The following NRCAM variants were observed in gnomAD, a reference collection of about 807,000 sequenced individuals.
NRCAM encodes the protein NgCAM-related cell adhesion molecule.
In NRCAM, 83 loss-of-function variants were observed where a neutral mutation model predicts 156.5. The observed-to-expected ratio is 0.53, with a 90% confidence interval of 0.44 to 0.64. The LOEUF (loss-of-function observed/expected upper bound fraction) is 0.64, where lower values mean the gene tolerates loss of function less well. Ranked by LOEUF, NRCAM falls within the 30% of genes least tolerant of loss-of-function variation. The pLI is 0.00. For synonymous variants in NRCAM, 538 were observed against 563.9 expected (o/e 0.95, Z 0.65); for missense variants, 1,417 against 1,597.3 (o/e 0.89, Z 1.92).
intron 3 of NRCAM, among the ~76,000 whole-genome samples, chr7:108,254,246 C>T (rs752028569): frequency 2.6e-5 from 4 of 152,222 alleles, no homozygotes; most frequent in East Asian, 1.9e-4. Context: ...CTTGTATCTA[C>T]AACATGTAGA....
intron 3 of NRCAM, among the ~76,000 whole-genome samples, chr7:108,241,462 ATGT>A (rs902218627): frequency 1.3e-5 from 2 of 152,206 alleles, no homozygotes. Flanking sequence ...GGTGGGAGGG[ATGT>A]TATTATTATA....
At chr7:108,255,198 G>A (rs886205711) in intron 3 of NRCAM, among the ~76,000 whole-genome samples, 1 of 80,014 alleles carries the variant, frequency 1.2e-5, no homozygotes, top group Non-Finnish European at 2.3e-5. Context: ...CACTTTCCAC[G>A]GTCTCCCTCT....
intron 32 of NRCAM, among the ~76,000 whole-genome samples, chr7:108,153,375 A>G (rs2042903799): frequency 1.3e-5 from 2 of 152,188 alleles, no homozygotes; most frequent in African/African-American, 2.4e-5. Flanking sequence ...AGAAAGAGGT[A>G]TATGAAAAAA....
At chr7:108,385,498 G>A (rs2099737572) in intron 2 of NRCAM, among the ~76,000 whole-genome samples, 1 of 152,220 alleles carries the variant, frequency 6.6e-6, no homozygotes, top group Non-Finnish European at 1.5e-5. Context: ...TAGCTTAGAA[G>A]AAAGGCAAGG....
intron 13 of NRCAM, among the ~76,000 whole-genome samples, chr7:108,198,366 G>A: frequency 6.6e-6 from 1 of 152,024 alleles, no homozygotes; most frequent in East Asian, 1.9e-4. Flanking sequence ...TTTTTTTAAA[G>A]ACCTTTCCAT....
intron 3 of NRCAM, among the ~76,000 whole-genome samples, chr7:108,272,485 T>A (rs1312086256): frequency 2.0e-5 from 3 of 152,212 alleles, no homozygotes; most frequent in African/African-American, 7.2e-5. Context: ...GATCTTTATT[T>A]ATCCCACTAA....
At chr7:108,214,919 T>C (rs1277454007) in intron 11 of NRCAM, among the ~76,000 whole-genome samples, 2 of 152,230 alleles carry the variant, frequency 1.3e-5, no homozygotes, top group African/African-American at 4.8e-5. Flanking sequence ...TTGAATGAGT[T>C]TCTCAATCCT....
At chr7:108,159,378 G>A in intron 32 of NRCAM, 85 bp downstream of exon 32, 2 of 1,155,004 alleles carry the variant, frequency 1.7e-6, no homozygotes, top group Non-Finnish European at 2.6e-6. Context: ...GAGATGCCAG[G>A]CAGAGCATAT....
intron 3 of NRCAM, among the ~76,000 whole-genome samples, chr7:108,264,012 G>A (rs947481344): frequency 6.6e-6 from 1 of 151,826 alleles, no homozygotes; most frequent in African/African-American, 2.4e-5. Context: ...TTGAGATGGA[G>A]TCTCACTCTG....
chr7:108,150,248 C>T, intron 32 of NRCAM, 101 bp from the exon 33 acceptor site: 1 of 912,830 alleles, frequency 1.1e-6, no homozygotes, highest in Admixed American at 2.3e-5. Flanking sequence ...ATTTGGAGTC[C>T]TGGGCTTCTC....
At position 108,299,110 on chromosome 7, in the gene NRCAM, A is replaced by G. The variant is rs112501652; in HGVS notation, c.-107+13555T>C. Among the ~76,000 whole-genome samples, 53 of 16,658 alleles carry G rather than the reference A, an allele frequency of 3.2e-3. 1 individual carries two copies. The highest frequency in any genetic ancestry group is 8.3e-3 in the East Asian group (1 of 120). 10.9% of individuals were successfully genotyped at this position (16,658 alleles called of 152,430 possible). The stretch of plus-strand genomic sequence containing the variant: ...CACAGAGCAAGACTCCATCTCAAAA[A>G]AAAAAAAGAAAGAAAGAAAGAAAGA... On this transcript the variant is annotated intron_variant, in intron 3 of 32. Coordinates refer to ENST00000379028, the MANE Select transcript of NRCAM (RefSeq NM_001037132.4).
At chr7:108,384,931 AAAC>A (rs2099735195) in intron 2 of NRCAM, among the ~76,000 whole-genome samples, 1 of 152,316 alleles carries the variant, frequency 6.6e-6, no homozygotes, top group East Asian at 1.9e-4. Flanking sequence ...AGCTGAAACT[AAAC>A]AACATGCCAA....
At chr7:108,253,262 A>C (rs1223915137) in intron 3 of NRCAM, among the ~76,000 whole-genome samples, 1 of 152,224 alleles carries the variant, frequency 6.6e-6, no homozygotes, top group Non-Finnish European at 1.5e-5. Context: ...TGAGAATATA[A>C]CTAAATGCAA....
At chr7:108,191,562 A>G (rs1324831551) in intron 18 of NRCAM, among the ~76,000 whole-genome samples, 167 bp downstream of exon 18, 1 of 152,248 alleles carries the variant, frequency 6.6e-6, no homozygotes, top group Non-Finnish European at 1.5e-5. Context: ...GTCTATTTAT[A>G]CTGAAATTAT....
At chr7:108,330,459 C>T (rs1204530097) in intron 2 of NRCAM, among the ~76,000 whole-genome samples, 1 of 152,178 alleles carries the variant, frequency 6.6e-6, no homozygotes, top group Non-Finnish European at 1.5e-5. Flanking sequence ...CAGCTCCAGA[C>T]CCATTAAACA....
At chr7:108,336,314 T>C (rs1014231584) in intron 2 of NRCAM, among the ~76,000 whole-genome samples, 1 of 152,182 alleles carries the variant, frequency 6.6e-6, no homozygotes, top group Non-Finnish European at 1.5e-5. Flanking sequence ...TTGCATCCAT[T>C]TGTATGCACC....
rs1342829985 is a variant in NRCAM at position 108,237,758 on chromosome 7, CAAG to C, written c.115_117del (p.Leu39del). The C allele has an allele frequency of 1.3e-6, 2 of 1,595,422 alleles. No homozygotes were observed. Among genetic ancestry groups the C allele is most frequent in the Admixed American group, 1.7e-5 (1 of 57,742 alleles). On this transcript the variant is annotated inframe_deletion, in exon 5 of 33. Coordinates refer to ENST00000379028, the MANE Select transcript of NRCAM (RefSeq NM_001037132.4). ...TTTATAGAAGGACACTTACAGTCTT[CAAG>C]AAGTTTTGCTTTTTCCCCATCAATA... is the stretch of plus-strand genomic sequence containing the variant.
chr7:108,252,387 A>G (rs775482856), intron 3 of NRCAM, among the ~76,000 whole-genome samples: 2 of 152,218 alleles, frequency 1.3e-5, no homozygotes, highest in Non-Finnish European at 2.9e-5. Context: ...AGAATTTTAA[A>G]TAAGACTATT....
At chr7:108,289,536 GC>G (rs1563123878) in intron 3 of NRCAM, among the ~76,000 whole-genome samples, 1 of 152,064 alleles carries the variant, frequency 6.6e-6, no homozygotes, top group Non-Finnish European at 1.5e-5. Flanking sequence ...CTGTTTATAA[GC>G]TTTTTAAGGG....
Sources: allele counts gnomAD v4.1 joint callset (sites outside exome capture counted in the v4.1 genomes callset), GRCh38; gene constraint gnomAD v4.1.1; transcripts MANE v1.5; gene names NCBI Gene and HGNC (gene_info 2026-07-23, HGNC 2026-07-21).